Variants in PDSS2 observed in about 807,000 individuals in gnomAD.
The protein encoded by PDSS2 is decaprenyl diphosphate synthase subunit 2, also known as all trans-polyprenyl-diphosphate synthase PDSS2.
In PDSS2, 31 loss-of-function variants were observed where a neutral mutation model predicts 44.5. That is an observed-to-expected ratio of 0.70 (90% CI 0.52 to 0.94). The LOEUF (loss-of-function observed/expected upper bound fraction) is 0.94. Among genes scored for constraint, PDSS2 ranks in the 40% least tolerant of loss-of-function variants. The pLI is 0.00. For missense variants in PDSS2, 452 were observed against 482.2 expected (o/e 0.94, Z 0.59); for synonymous variants, 157 against 180.3 (o/e 0.87, Z 1.03).
At chr6:107,231,656 C>G (rs1318764845) in intron 4 of PDSS2, among the ~76,000 whole-genome samples, 1 of 152,194 alleles carries the variant, frequency 6.6e-6, no homozygotes, top group East Asian at 1.9e-4. Flanking sequence ...TACAAATGTT[C>G]AAGATCTATC....
At chr6:107,245,654 T>A (rs1033752872) in intron 3 of PDSS2, 35 bp from the exon 4 acceptor site, 10 of 1,286,412 alleles carry the variant, frequency 7.8e-6, no homozygotes, top group Non-Finnish European at 1.1e-5. Context: ...AATAAAAAAA[T>A]TTAAATATAT....
chr6:107,221,235 G>C (rs1428219389), intron 4 of PDSS2, among the ~76,000 whole-genome samples: 1 of 150,040 alleles, frequency 6.7e-6, no homozygotes, highest in Non-Finnish European at 1.5e-5. Context: ...CCAGCTACTT[G>C]GGAGGCTGAG....
intron 1 of PDSS2, among the ~76,000 whole-genome samples, chr6:107,380,351 A>C (rs1779418865): frequency 6.6e-6 from 1 of 152,158 alleles, no homozygotes; most frequent in South Asian, 2.1e-4. Context: ...TTGGGTTCTG[A>C]CCTTCAGAAG....
chr6:107,260,977 T>C (rs1270763104), intron 3 of PDSS2, among the ~76,000 whole-genome samples: 1 of 152,148 alleles, frequency 6.6e-6, no homozygotes, highest in Admixed American at 6.6e-5. Context: ...TCCATTTTCA[T>C]GGACATTTGC....
intron 1 of PDSS2, among the ~76,000 whole-genome samples, chr6:107,413,510 G>A (rs1780567409): frequency 6.6e-6 from 1 of 152,190 alleles, no homozygotes; most frequent in African/African-American, 2.4e-5. Flanking sequence ...TACTTCACCT[G>A]GTGACAGAGC....
At chr6:107,189,503 A>T (rs1011212874) in intron 7 of PDSS2, among the ~76,000 whole-genome samples, 4 of 151,972 alleles carry the variant, frequency 2.6e-5, no homozygotes, top group African/African-American at 9.6e-5. Context: ...ACACCCGGCT[A>T]ATTTTTGTGT....
Position 107,459,269 on chromosome 6 carries a change from A to T in PDSS2, c.17T>A (p.Leu6Gln), listed in dbSNP as rs1161386156. The T allele has an allele frequency of 6.2e-7, 1 of 1,614,120 alleles. No individual in the cohort carries two copies. Among genetic ancestry groups the T allele is most frequent in the Admixed American group, 1.7e-5 (1 of 60,030 alleles). ...AAGATAACGTGGCAAGTGCAACAGC[A>T]GCTGCCGAAAGTTCATGGTTTGAGT... MNFRQ[L>Q]LLHLPRYLGA... Residue 6 changes from leucine (L) to glutamine (Q), a missense_variant, in exon 1 of 8, where the codon CTG (leucine) becomes CAG (glutamine). By Grantham distance (113) the Leu-to-Gln change is moderately radical (BLOSUM62 -2). Transcript: ENST00000369037. The surrounding 1 kb of genome is among the most constrained non-coding windows in gnomAD (Gnocchi z 4.3).
At position 107,153,400 on chromosome 6, in the gene PDSS2, T is replaced by C. The variant is rs9384650; in HGVS notation, c.*1219A>G. ...CTTATATTCTTTCTGTAATTGGATG[T>C]CTGTGGTTCAAGACCAAAATTTGAC... is the stretch of plus-strand genomic sequence containing the variant. On this transcript the variant is annotated 3_prime_UTR_variant, in exon 8 of 8. Coordinates refer to ENST00000369037, the MANE Select transcript of PDSS2 (RefSeq NM_020381.4). 0.044 allele frequency: 6,735 copies of C among 152,710 alleles called. 361 individuals are homozygous for C. The highest frequency in any genetic ancestry group is 0.16 in the East Asian group (824 of 5,182). 9.5% of individuals were successfully genotyped at this position (152,710 alleles called of 1,614,324 possible).
At chr6:107,356,400 A>T (rs1778598335) in intron 1 of PDSS2, among the ~76,000 whole-genome samples, 1 of 152,300 alleles carries the variant, frequency 6.6e-6, no homozygotes, top group South Asian at 2.1e-4. Flanking sequence ...TGACCTTAAA[A>T]CCTATCACCA....
intron 4 of PDSS2, among the ~76,000 whole-genome samples, chr6:107,243,444 A>G (rs1774508565): frequency 6.6e-6 from 1 of 152,258 alleles, no homozygotes; most frequent in South Asian, 2.1e-4. Flanking sequence ...AGCTTATTAT[A>G]GTGGACAAAT....
In PDSS2 at chr6:107,446,088, C is replaced by T. The variant is rs555875143; in HGVS notation, c.296+12902G>A. 3.3e-5 allele frequency among the ~76,000 whole-genome samples: 5 copies of T among 152,168 alleles called. 1 individual carries two copies. The highest frequency in any genetic ancestry group is 1.2e-4 in the African/African-American group (5 of 41,508). On this transcript the variant is annotated intron_variant, in intron 1 of 7. Coordinates refer to ENST00000369037, the MANE Select transcript of PDSS2 (RefSeq NM_020381.4). ...ATCCCAGCACTTTGAGAGGCCGAGG[C>T]GGGCAGATCACAAGGTCAAGAGATC...
chr6:107,308,128 C>T (rs1165514632), intron 2 of PDSS2, among the ~76,000 whole-genome samples: 11 of 152,178 alleles, frequency 7.2e-5, no homozygotes, highest in African/African-American at 2.4e-4. Context: ...TACATATAAG[C>T]GCCATTACAA....
intron 3 of PDSS2, among the ~76,000 whole-genome samples, chr6:107,253,016 A>G (rs1028777168): frequency 6.6e-6 from 1 of 152,162 alleles, no homozygotes; most frequent in African/African-American, 2.4e-5. Flanking sequence ...TTCAATTAAT[A>G]CATATAAAAA....
intron 1 of PDSS2, among the ~76,000 whole-genome samples, chr6:107,340,816 G>A (rs2115282769): frequency 6.6e-6 from 1 of 152,298 alleles, no homozygotes; most frequent in South Asian, 2.1e-4. Context: ...AAATAGATAA[G>A]CAGTGACAAG....
intron 7 of PDSS2, among the ~76,000 whole-genome samples, chr6:107,163,147 T>C (rs1167167219): frequency 3.9e-5 from 6 of 152,236 alleles, no homozygotes; most frequent in African/African-American, 1.4e-4. Flanking sequence ...TTCATTTAGT[T>C]TGTTCCTCTA....
chr6:107,276,792 T>C (rs1035749098), intron 2 of PDSS2, among the ~76,000 whole-genome samples: 1 of 152,092 alleles, frequency 6.6e-6, no homozygotes, highest in Admixed American at 6.5e-5. Flanking sequence ...TGTTTTTGCA[T>C]TGGGGCTTAC....
At chr6:107,453,500 C>T (rs1332589957) in intron 1 of PDSS2, among the ~76,000 whole-genome samples, 10 of 150,890 alleles carry the variant, frequency 6.6e-5, no homozygotes, top group Admixed American at 2.6e-4. Context: ...TGTTTTTGCA[C>T]TTTTGTTAAA....
At chr6:107,213,415 G>T (rs986321635) in intron 4 of PDSS2, among the ~76,000 whole-genome samples, 4 of 151,576 alleles carry the variant, frequency 2.6e-5, no homozygotes, top group African/African-American at 9.7e-5. Context: ...CTCCCAAAGT[G>T]CTGGAATTAC....
chr6:107,357,445 G>A lies in PDSS2; in HGVS notation c.297-23113C>T, dbSNP rs563584763. 5.3e-5 allele frequency among the ~76,000 whole-genome samples: 8 copies of A among 152,086 alleles called. No homozygotes were observed. In the South Asian group the frequency reaches 1.7e-3, roughly 32 times the overall value. The stretch of plus-strand genomic sequence containing the variant: ...AGGAGGATACTTAAGTTCATATACA[G>A]TATTTTCTAAATCTCAAAATAAAAG... On this transcript the variant is annotated intron_variant, in intron 1 of 7. Transcript: ENST00000369037.
Sources: gnomAD v4.1 joint callset for allele counts (sites outside exome capture counted in the v4.1 genomes callset) on GRCh38, gnomAD v4.1.1 for gene constraint, Gnocchi (gnomAD v3.1) non-coding constraint, MANE v1.5 for transcripts, NCBI Gene and HGNC (gene_info 2026-07-23, HGNC 2026-07-21) for gene names.